The following MTFR1 variants were observed in gnomAD, a reference collection of about 807,000 sequenced individuals.
The protein encoded by MTFR1 is chondrocyte protein with a poly-proline region.
In MTFR1, 28 loss-of-function variants were observed where a neutral mutation model predicts 38.8. The observed-to-expected ratio is 0.72, with a 90% CI of 0.53 to 0.99. MTFR1 has a LOEUF of 0.99. MTFR1 is among the 50% of genes least tolerant of loss of function. MTFR1 has a pLI of 0.00. For missense variants in MTFR1, 358 were observed against 395.5 expected, an observed-to-expected ratio of 0.91 and a Z score of 0.81; for synonymous variants, 145 against 137.0, an observed-to-expected ratio of 1.06 and a Z score of -0.41.
intron 3 of MTFR1, among the ~76,000 whole-genome samples, chr8:65,746,662 G>GA (rs1483497736): frequency 7.9e-5 from 12 of 152,160 alleles, no homozygotes; most frequent in African/African-American, 2.9e-4. Flanking sequence ...ACACTGACAT[G>GA]AGCAACACTA....
intron 3 of MTFR1, among the ~76,000 whole-genome samples, chr8:65,691,361 C>T (rs538330698): frequency 2.0e-5 from 3 of 152,298 alleles, no homozygotes; most frequent in East Asian, 3.9e-4. Flanking sequence ...GATCATGCCT[C>T]ACTGCAGCCT....
intron 1 of MTFR1, among the ~76,000 whole-genome samples, chr8:65,668,857 G>A (rs1393495457): frequency 6.6e-6 from 1 of 152,084 alleles, no homozygotes; most frequent in Non-Finnish European, 1.5e-5. Context: ...ATTGATTCAT[G>A]TTCTGGTGCA....
chr8:65,740,186 G>A (rs1271141876), intron 3 of MTFR1, among the ~76,000 whole-genome samples: 2 of 147,924 alleles, frequency 1.4e-5, no homozygotes, highest in African/African-American at 4.9e-5. Context: ...TGGGGAGGGG[G>A]AATCACAAAA....
intron 3 of MTFR1, among the ~76,000 whole-genome samples, chr8:65,744,577 T>TTCTGA (rs1157300981): frequency 6.6e-6 from 1 of 152,182 alleles, no homozygotes; most frequent in Non-Finnish European, 1.5e-5. Context: ...ACTCTGTAGA[T>TTCTGA]TCTGATAAGC....
At chr8:65,705,634 A>T (rs1214636601) in intron 5 of MTFR1, among the ~76,000 whole-genome samples, 1 of 152,152 alleles carries the variant, frequency 6.6e-6, no homozygotes, top group African/African-American at 2.4e-5. Context: ...TACGTGTTGG[A>T]CTGAGTGGTG....
chr8:65,701,877 C>T (rs996475660), intron 4 of MTFR1, among the ~76,000 whole-genome samples: 3 of 152,088 alleles, frequency 2.0e-5, no homozygotes, highest in East Asian at 1.9e-4. Flanking sequence ...CCAGGAGACT[C>T]GGTGGATCAG....
chr8:65,714,197 T>C (rs1012634892), downstream of MTFR1: 2 of 150,278 alleles, frequency 1.3e-5, no homozygotes, highest in Non-Finnish European at 2.9e-5. Context: ...CCCTTTATTA[T>C]ATATCTAGTG....
chr8:65,727,812 A>C (rs963995409), intron 3 of MTFR1: 1 of 152,358 alleles, frequency 6.6e-6, no homozygotes, highest in African/African-American at 2.4e-5. Flanking sequence ...GTTAAGTGGA[A>C]GTCTATGTCA....
chr8:65,706,599 C>G (rs999472528), intron 5 of MTFR1, among the ~76,000 whole-genome samples: 5 of 152,144 alleles, frequency 3.3e-5, no homozygotes, highest in Admixed American at 3.3e-4. Flanking sequence ...TGAAAATATA[C>G]TTAAAATGAG....
intron 7 of MTFR1, 100 bp downstream of exon 7, chr8:65,708,111 T>TGA (rs1805840585): frequency 6.2e-7 from 1 of 1,601,750 alleles, no homozygotes. Context: ...ATCTGTAAGT[T>TGA]CCAAAGGGAG....
At chr8:65,768,221 G>GT (rs1259146054) in intron 3 of MTFR1, among the ~76,000 whole-genome samples, 1 of 152,178 alleles carries the variant, frequency 6.6e-6, no homozygotes, top group Non-Finnish European at 1.5e-5. Flanking sequence ...AATTTAAACA[G>GT]TATCTTTAAT....
chr8:65,666,735 C>T (rs751556328), intron 1 of MTFR1, among the ~76,000 whole-genome samples: 3 of 152,046 alleles, frequency 2.0e-5, no homozygotes, highest in Non-Finnish European at 4.4e-5. Context: ...GAAGTTAGCT[C>T]GTTATTAATA....
chr8:65,665,237 A>G (rs1804348497), intron 1 of MTFR1, among the ~76,000 whole-genome samples: 1 of 152,048 alleles, frequency 6.6e-6, no homozygotes, highest in Admixed American at 6.6e-5. Flanking sequence ...CTGGGCTTTA[A>G]TGATAGGTTT....
chr8:65,702,609 T>C (rs570050397), intron 4 of MTFR1, among the ~76,000 whole-genome samples: 17 of 152,324 alleles, frequency 1.1e-4, no homozygotes, highest in Admixed American at 3.9e-4. Flanking sequence ...CAGTTTTTTT[T>C]CCCTGGATTC....
At chr8:65,670,142 A>T (rs1010357215) in intron 2 of MTFR1, 124 bp downstream of exon 2, 1 of 755,346 alleles carries the variant, frequency 1.3e-6, no homozygotes, top group Non-Finnish European at 2.1e-6. Flanking sequence ...TGTACTGTTT[A>T]ATTTGCTTTC....
chr8:65,722,650 C>G (rs1427622362), intron 3 of MTFR1: 1 of 152,288 alleles, frequency 6.6e-6, no homozygotes, highest in Non-Finnish European at 1.5e-5. Flanking sequence ...GTCAACTTTC[C>G]TGTGAACTCC....
chr8:65,649,835 T>C (rs1459530516), intron 1 of MTFR1, among the ~76,000 whole-genome samples: 1 of 149,466 alleles, frequency 6.7e-6, no homozygotes, highest in African/African-American at 2.4e-5. Flanking sequence ...ACCATCCTTT[T>C]GGGTTTTTTT....
At chr8:65,694,893 G>A (rs1307754704) in intron 4 of MTFR1, among the ~76,000 whole-genome samples, 1 of 152,210 alleles carries the variant, frequency 6.6e-6, no homozygotes, top group Non-Finnish European at 1.5e-5. Context: ...ATTGTGGCAT[G>A]TTTGGGAACT....
Position 65,709,167 on chromosome 8 carries a change from C to T in MTFR1, c.*123C>T. 1.1e-6 allele frequency: 1 copy of T among 883,060 alleles called. No homozygotes were observed. Among genetic ancestry groups the T allele is most frequent in the South Asian group, 1.5e-5 (1 of 65,400 alleles). 54.7% of individuals were successfully genotyped at this position (883,060 alleles called of 1,614,324 possible). A position where few individuals can be genotyped will look rare whatever the true frequency, so the allele number is the denominator to read the frequency against. On this transcript the variant is annotated 3_prime_UTR_variant, in exon 8 of 8. Transcript: ENST00000262146. Reference sequence around the variant, plus strand: ...AGTATTCAGTGGTCTTCTTTTCAGGCTAATTAGTGGATTAAGCAATAATGA... The same window carrying T: ...AGTATTCAGTGGTCTTCTTTTCAGGTTAATTAGTGGATTAAGCAATAATGA...
Sources: allele counts gnomAD v4.1 joint callset (sites outside exome capture counted in the v4.1 genomes callset), GRCh38; gene constraint gnomAD v4.1.1; transcripts MANE v1.5; gene names NCBI Gene and HGNC (gene_info 2026-07-23, HGNC 2026-07-21).